SHLD2: variants seen among roughly 807,000 people sequenced by gnomAD.
SHLD2 encodes the protein RINN1-REV7-interacting novel NHEJ regulator 2.
Under a neutral mutation model 73.2 loss-of-function variants are expected in SHLD2, and 30 were observed. The ratio of observed to expected loss-of-function variants is 0.41; its 90% CI spans 0.31 to 0.56. SHLD2 has a LOEUF of 0.56. SHLD2 is among the 20% of genes least tolerant of loss of function. The pLI, the probability that SHLD2 is intolerant of heterozygous loss-of-function variation, is 0.28. For missense variants in SHLD2, 745 were observed against 1,055.9 expected (o/e 0.71, Z 4.08); for synonymous variants, 285 against 370.1 (o/e 0.77, Z 2.64).
chr10:87,185,617 G>C (rs986221173), intron 8 of SHLD2, among the ~76,000 whole-genome samples: 2 of 152,242 alleles, frequency 1.3e-5, no homozygotes, highest in South Asian at 4.1e-4. Context: ...CTTTCGGGTC[G>C]TATCTAAGAA....
chr10:87,151,795 T>C lies in SHLD2; in HGVS notation c.441T>C (p.Ile147=). 6.2e-7 allele frequency: 1 copy of C among 1,611,934 alleles called. No homozygotes were observed. Among genetic ancestry groups the C allele is most frequent in the Non-Finnish European group, 8.5e-7 (1 of 1,179,832 alleles). ...AAAAGCTTCTCAGTGAAAATAAAATTAGAGATGAACAGCCTAAACATCAGC... is the reference window on the plus strand; with the variant it reads ...AAAAGCTTCTCAGTGAAAATAAAATCAGAGATGAACAGCCTAAACATCAGC... ...KYQKLLSENK[I]RDEQPKHQPD... Residue 147 remains isoleucine (I), a synonymous_variant, in exon 3 of 10, where the codon ATT becomes ATC. Coordinates refer to ENST00000298786, the MANE Select transcript of SHLD2 (RefSeq NM_001330112.2).
At chr10:87,130,193 T>C (rs1444926499) in intron 2 of SHLD2, among the ~76,000 whole-genome samples, 4 of 152,110 alleles carry the variant, frequency 2.6e-5, no homozygotes, top group Non-Finnish European at 5.9e-5. Context: ...TTGGTACTTG[T>C]TGAGTAGAGT....
intron 2 of SHLD2, among the ~76,000 whole-genome samples, chr10:87,133,314 A>G (rs369097154): frequency 6.6e-6 from 1 of 152,070 alleles, no homozygotes; most frequent in Non-Finnish European, 1.5e-5. Flanking sequence ...ACTCTGAGGT[A>G]TTTAATTAAT....
intron 4 of SHLD2, among the ~76,000 whole-genome samples, chr10:87,163,994 G>T (rs1431731657): frequency 7.1e-6 from 1 of 140,356 alleles, no homozygotes; most frequent in Non-Finnish European, 1.5e-5. Flanking sequence ...CTCTTGTTCT[G>T]TCACCCAGGC....
chr10:87,187,772 A>G (rs187659246), intron 9 of SHLD2, among the ~76,000 whole-genome samples: 50 of 152,208 alleles, frequency 3.3e-4, no homozygotes, highest in African/African-American at 1.1e-3. Context: ...TGAACATTGC[A>G]TATATTAAGT....
chr10:87,105,745 T>G (rs1842554152), intron 2 of SHLD2, among the ~76,000 whole-genome samples: 1 of 152,220 alleles, frequency 6.6e-6, no homozygotes, highest in African/African-American at 2.4e-5. Context: ...AGAGGTCACA[T>G]GTAGCCATAA....
chr10:87,141,129 T>C (rs1387605869), intron 2 of SHLD2, among the ~76,000 whole-genome samples: 1 of 151,252 alleles, frequency 6.6e-6, no homozygotes, highest in Non-Finnish European at 1.5e-5. Context: ...AAAAAAAATT[T>C]AAAAAGGGGG....
At chr10:87,157,488 G>T (rs1438267345) in intron 3 of SHLD2, among the ~76,000 whole-genome samples, 1 of 151,898 alleles carries the variant, frequency 6.6e-6, no homozygotes, top group East Asian at 1.9e-4. Flanking sequence ...TACTCTATCC[G>T]TCTTAGATAT....
intron 2 of SHLD2, among the ~76,000 whole-genome samples, chr10:87,132,047 C>T (rs1434151653): frequency 6.6e-6 from 1 of 152,166 alleles, no homozygotes; most frequent in Non-Finnish European, 1.5e-5. Context: ...CCTTTGCCCA[C>T]TTTAAATTGT....
At position 87,181,339 on chromosome 10, in the gene SHLD2, T is replaced by C. The variant is rs542024977; in HGVS notation, c.2399+1036T>C. ...GATCGATTGTTACAGTGAGCTATGT[T>C]TGCACCACTGCACTCTAGCTTGTGC... On this transcript the variant is annotated intron_variant, in intron 8 of 9. Coordinates refer to ENST00000298786, the MANE Select transcript of SHLD2 (RefSeq NM_001330112.2). Among the ~76,000 whole-genome samples, 1,489 of 151,758 alleles carry C rather than the reference T, an allele frequency of 9.8e-3. 12 individuals are homozygous for C. The highest frequency in any genetic ancestry group is 0.017 in the Admixed American group (259 of 15,246).
intron 1 of SHLD2, among the ~76,000 whole-genome samples, 154 bp downstream of exon 1, chr10:87,095,402 G>T (rs1283194026): frequency 6.6e-6 from 1 of 152,044 alleles, no homozygotes; most frequent in East Asian, 1.9e-4. Flanking sequence ...GGTCATGTGA[G>T]TCACGGGCGC....
intron 2 of SHLD2, among the ~76,000 whole-genome samples, chr10:87,107,256 T>G (rs896483880): frequency 6.6e-6 from 1 of 151,944 alleles, no homozygotes; most frequent in Non-Finnish European, 1.5e-5. Flanking sequence ...CTGCTAAAAC[T>G]ACAAAAACTT....
In SHLD2 at chr10:87,101,051, T is replaced by A. The variant is rs953294946; in HGVS notation, c.-6+4062T>A. On this transcript the variant is annotated intron_variant, in intron 2 of 9. Coordinates refer to ENST00000298786, the MANE Select transcript of SHLD2 (RefSeq NM_001330112.2). Reference sequence around the variant, plus strand: ...TTTTAAAACTTCTCTCAGGACTGTTTTATCACTGTCAGAGGATAAGTTTTG... The same window carrying A: ...TTTTAAAACTTCTCTCAGGACTGTTATATCACTGTCAGAGGATAAGTTTTG... Among the ~76,000 whole-genome samples the A allele has an allele frequency of 2.2e-4, 33 of 152,218 alleles. 1 individual carries two copies. The highest frequency in any genetic ancestry group is 2.0e-3 in the Admixed American group (30 of 15,276).
At chr10:87,148,095 C>G (rs971556392) in intron 2 of SHLD2, among the ~76,000 whole-genome samples, 46 of 152,220 alleles carry the variant, frequency 3.0e-4, no homozygotes, top group African/African-American at 1.1e-3. Context: ...AGGTGATCCA[C>G]TTGCCTCAGC....
At chr10:87,167,340 A>AT (rs1297214533) in intron 4 of SHLD2, among the ~76,000 whole-genome samples, 1 of 152,160 alleles carries the variant, frequency 6.6e-6, no homozygotes, top group Non-Finnish European at 1.5e-5. Flanking sequence ...ATGGTGCTTT[A>AT]TTTTTTACAG....
chr10:87,146,771 G>A (rs532602596), intron 2 of SHLD2, among the ~76,000 whole-genome samples: 4 of 151,766 alleles, frequency 2.6e-5, no homozygotes, highest in African/African-American at 9.7e-5. Context: ...TAATAACCTT[G>A]TGCCGCCCAG....
At chr10:87,153,457 AAC>A (rs1194694548) in intron 3 of SHLD2, among the ~76,000 whole-genome samples, 1 of 152,222 alleles carries the variant, frequency 6.6e-6, no homozygotes, top group African/African-American at 2.4e-5. Flanking sequence ...TTACTGTGGG[AAC>A]AGTTATTGAT....
rs1274887671 is a variant in SHLD2, at chr10:87,142,047, T to A, written c.-5-9303T>A. 4.8e-3 allele frequency among the ~76,000 whole-genome samples: 667 copies of A among 138,124 alleles called. 7 individuals carry two copies. The highest frequency in any genetic ancestry group is 0.015 in the African/African-American group (589 of 38,804). 90.6% of individuals were successfully genotyped at this position (138,124 alleles called of 152,430 possible). A position where few individuals can be genotyped will look rare whatever the true frequency, so the allele number is the denominator to read the frequency against. ...CTCCATCTCAAAAAAAAAAAAAATA[T>A]ATCAAATTGTACCCCATAAGTACGT... On this transcript the variant is annotated intron_variant, in intron 2 of 9. Transcript: ENST00000298786.
At chr10:87,129,510 C>A (rs1198081727) in intron 2 of SHLD2, among the ~76,000 whole-genome samples, 1 of 152,180 alleles carries the variant, frequency 6.6e-6, no homozygotes, top group African/African-American at 2.4e-5. Context: ...TGCATAGATG[C>A]TGAATTATCT....
Sources: allele counts gnomAD v4.1 joint callset (sites outside exome capture counted in the v4.1 genomes callset), GRCh38; gene constraint gnomAD v4.1.1; transcripts MANE v1.5; gene names NCBI Gene and HGNC (gene_info 2026-07-23, HGNC 2026-07-21).